Variants in STXBP4 observed in about 807,000 individuals in gnomAD.
STXBP4 encodes the protein syntaxin binding protein 4.
STXBP4 carries 55 observed loss-of-function variants against 76.1 expected under a neutral mutation model. The ratio of observed to expected loss-of-function variants is 0.72; its 90% CI spans 0.58 to 0.91. The LOEUF (loss-of-function observed/expected upper bound fraction) is 0.91. Among genes scored for constraint, STXBP4 ranks in the 40% least tolerant of loss-of-function variants. STXBP4 has a pLI of 0.00. For missense variants in STXBP4, 618 were observed against 636.9 expected, an observed-to-expected ratio of 0.97 and a Z score of 0.32; for synonymous variants, 201 against 220.2, an observed-to-expected ratio of 0.91 and a Z score of 0.77.
At chr17:55,041,758 A>G (rs1208169110) in intron 10 of STXBP4, among the ~76,000 whole-genome samples, 1 of 152,074 alleles carries the variant, frequency 6.6e-6, no homozygotes, top group Admixed American at 6.6e-5. Flanking sequence ...GGCAGTTCAA[A>G]TGTTCTTTAG....
chr17:55,128,385 C>A (rs1380281152), intron 16 of STXBP4, among the ~76,000 whole-genome samples: 5 of 142,264 alleles, frequency 3.5e-5, no homozygotes, highest in Non-Finnish European at 1.6e-5. Flanking sequence ...GAGATTTTAA[C>A]CCGTTGTACC....
chr17:55,007,457 T>G, intron 7 of STXBP4, 49 bp from the exon 8 acceptor site: 1 of 1,352,168 alleles, frequency 7.4e-7, no homozygotes. Context: ...AAATAAAAAT[T>G]TCGATTCCAA....
At chr17:55,149,121 C>G (rs975677659) in intron 17 of STXBP4, among the ~76,000 whole-genome samples, 1 of 152,094 alleles carries the variant, frequency 6.6e-6, no homozygotes. Flanking sequence ...GAAATATGGA[C>G]CTTTTTAAAT....
At chr17:55,110,717 G>A (rs1021018943) in intron 16 of STXBP4, among the ~76,000 whole-genome samples, 4 of 152,310 alleles carry the variant, frequency 2.6e-5, no homozygotes, top group East Asian at 1.9e-4. Context: ...GTAAACAAAG[G>A]TGTAGTGTTC....
chr17:55,191,645 C>G, the STXBP4 span, among the ~76,000 whole-genome samples: 1 of 152,134 alleles, frequency 6.6e-6, no homozygotes, highest in Non-Finnish European at 1.5e-5. Context: ...GACTCTTTTT[C>G]TATTACTCTT....
chr17:55,076,223 A>G (rs2144888391), intron 13 of STXBP4, among the ~76,000 whole-genome samples: 1 of 152,222 alleles, frequency 6.6e-6, no homozygotes, highest in Admixed American at 6.5e-5. Flanking sequence ...TACTTTTAAG[A>G]CCACAAATTA....
chr17:55,106,570 A>G (rs1333619024), intron 16 of STXBP4, among the ~76,000 whole-genome samples: 1 of 152,092 alleles, frequency 6.6e-6, no homozygotes, highest in African/African-American at 2.4e-5. Flanking sequence ...GGTCTTTACA[A>G]TTTGGTATGT....
the STXBP4 span, among the ~76,000 whole-genome samples, chr17:55,207,229 G>A: frequency 9.2e-5 from 14 of 152,072 alleles, no homozygotes; most frequent in African/African-American, 1.9e-4. Context: ...GTGCCATCCC[G>A]GGCAGCCCTA....
rs144266907 is a variant in STXBP4 at position 55,057,290 on chromosome 17, T to G, written c.1011+10136T>G. Among the ~76,000 whole-genome samples the G allele has an allele frequency of 9.2e-5, 14 of 152,328 alleles. No individual in the cohort carries two copies. In the East Asian group the frequency reaches 2.7e-3, roughly 29 times the overall value. On this transcript the variant is annotated intron_variant, in intron 12 of 17. Transcript: ENST00000376352. The stretch of plus-strand genomic sequence containing the variant: ...CTTTCATAACTCAGCCAAGAAGTAT[T>G]GGCAAATAACATAGCATCAGAAAAT...
At chr17:55,128,718 C>T (rs1567774631) in intron 16 of STXBP4, among the ~76,000 whole-genome samples, 1 of 151,468 alleles carries the variant, frequency 6.6e-6, no homozygotes, top group Admixed American at 6.6e-5. Flanking sequence ...TGCTGTCAAG[C>T]GATTCTCCCA....
Position 55,041,046 on chromosome 17 carries a change from A to T in STXBP4, c.856-2190A>T, listed in dbSNP as rs566981055. On this transcript the variant is annotated intron_variant, in intron 10 of 17. Coordinates refer to ENST00000376352, the MANE Select transcript of STXBP4 (RefSeq NM_178509.6). Reference sequence around the variant, plus strand: ...TCCAAAATAGCAGTGGGATTATAAAACGTTTTTTTAAGTCATGGTTCTGTG... The same window carrying T: ...TCCAAAATAGCAGTGGGATTATAAATCGTTTTTTTAAGTCATGGTTCTGTG... 2.0e-5 allele frequency among the ~76,000 whole-genome samples: 3 copies of T among 152,050 alleles called. No homozygotes were observed. The South Asian group carries it at 6.2e-4, about 32-fold the overall frequency.
chr17:55,212,832 G>A, the STXBP4 span, among the ~76,000 whole-genome samples: 1 of 152,136 alleles, frequency 6.6e-6, no homozygotes, highest in African/African-American at 2.4e-5. Flanking sequence ...CTGGAGAGGT[G>A]GGGAGAGTTT....
At chr17:55,130,347 T>C (rs2079961200) in intron 16 of STXBP4, among the ~76,000 whole-genome samples, 1 of 152,202 alleles carries the variant, frequency 6.6e-6, no homozygotes, top group South Asian at 2.1e-4. Flanking sequence ...AAACTGTTGC[T>C]ATAAAAGTAT....
intron 17 of STXBP4, among the ~76,000 whole-genome samples, chr17:55,143,306 T>C (rs1402579660): frequency 1.3e-5 from 2 of 152,200 alleles, no homozygotes; most frequent in African/African-American, 4.8e-5. Flanking sequence ...AAAATTAGCA[T>C]TCATTATTAA....
intron 16 of STXBP4, among the ~76,000 whole-genome samples, chr17:55,087,106 G>A (rs1002902305): frequency 6.6e-6 from 1 of 152,050 alleles, no homozygotes; most frequent in African/African-American, 2.4e-5. Context: ...TTTTAAATCA[G>A]ATTGATTGGT....
chr17:55,126,680 ACCT>A (rs1262278798), intron 16 of STXBP4, among the ~76,000 whole-genome samples: 1 of 152,198 alleles, frequency 6.6e-6, no homozygotes, highest in Non-Finnish European at 1.5e-5. Flanking sequence ...TAAATCAAAG[ACCT>A]GCTAACAGCT....
chr17:55,157,321 A>C (rs922768169), intron 17 of STXBP4, among the ~76,000 whole-genome samples: 3 of 152,246 alleles, frequency 2.0e-5, no homozygotes, highest in African/African-American at 7.2e-5. Context: ...TCCTCATTTC[A>C]CCTTGCAGTG....
At chr17:55,000,169 G>C (rs1598181290) in intron 6 of STXBP4, 2 of 975,100 alleles carry the variant, frequency 2.1e-6, no homozygotes, top group East Asian at 1.1e-4. Flanking sequence ...TGCCATTTCT[G>C]TTCTCTGCTT....
chr17:55,067,160 T>G (rs1457396323), intron 12 of STXBP4, among the ~76,000 whole-genome samples: 4 of 152,156 alleles, frequency 2.6e-5, no homozygotes, highest in African/African-American at 9.7e-5. Flanking sequence ...TAGATAGGGT[T>G]TTTACTCTCA....
Sources: gnomAD v4.1 joint callset for allele counts (sites outside exome capture counted in the v4.1 genomes callset) on GRCh38, gnomAD v4.1.1 for gene constraint, MANE v1.5 for transcripts, NCBI Gene and HGNC (gene_info 2026-07-23, HGNC 2026-07-21) for gene names.